TENM3: variants seen among roughly 807,000 people sequenced by gnomAD.
TENM3 encodes the protein teneurin-3.
Under a neutral mutation model 255.1 loss-of-function variants are expected in TENM3, and 63 were observed. The observed-to-expected ratio is 0.25, with a 90% CI of 0.20 to 0.30. The LOEUF (loss-of-function observed/expected upper bound fraction) is 0.30. Ranked by LOEUF, TENM3 falls within the 10% of genes least tolerant of loss-of-function variation. TENM3 has a pLI of 1.00. For missense variants in TENM3, 2,929 were observed against 3,461.1 expected (o/e 0.85, Z 3.86); for synonymous variants, 1,306 against 1,322.3 (o/e 0.99, Z 0.27).
chr4:182,744,093 C>CTTT (rs957977132), intron 19 of TENM3: 18,278 of 438,396 alleles, frequency 0.042, 54 homozygotes, highest in Non-Finnish European at 0.043. Context: ...ACTGTGCTTT[C>CTTT]TTTTTTTTTT....
At chr4:182,774,358 C>G (rs969570649) in intron 23 of TENM3, among the ~76,000 whole-genome samples, 2 of 152,104 alleles carry the variant, frequency 1.3e-5, no homozygotes, top group Admixed American at 6.5e-5. Flanking sequence ...TATATTATTT[C>G]AAAATTTTAA....
chr4:182,408,221 A>G (rs1351430957), intron 3 of TENM3, among the ~76,000 whole-genome samples: 1 of 152,248 alleles, frequency 6.6e-6, no homozygotes, highest in Non-Finnish European at 1.5e-5. Context: ...ATAGACATAA[A>G]TATCAACTTA....
chr4:182,467,749 TATA>T, intron 3 of TENM3, among the ~76,000 whole-genome samples: 1 of 152,150 alleles, frequency 6.6e-6, no homozygotes. Context: ...ATATATGAAC[TATA>T]ATGACATGGA....
the TENM3 span, among the ~76,000 whole-genome samples, chr4:181,626,962 G>A: frequency 6.6e-6 from 1 of 152,214 alleles, no homozygotes; most frequent in Non-Finnish European, 1.5e-5. Context: ...GAATGAGACA[G>A]ATGGCTGAAT....
intron 1 of TENM3, among the ~76,000 whole-genome samples, chr4:182,322,638 C>T (rs1418762129): frequency 2.0e-5 from 3 of 152,114 alleles, no homozygotes; most frequent in Admixed American, 1.3e-4. Context: ...GTTGGAAGCA[C>T]ATTAATGAGC....
At chr4:181,543,174 C>T in the TENM3 span, among the ~76,000 whole-genome samples, 2 of 152,198 alleles carry the variant, frequency 1.3e-5, no homozygotes, top group African/African-American at 2.4e-5. Context: ...CCCACTCTCT[C>T]TTCTCTCTCT....
chr4:182,399,941 CCTT>C lies in TENM3; in HGVS notation c.511+53016_511+53018del, dbSNP rs1428431228. Among the ~76,000 whole-genome samples, 6 of 152,062 alleles carry C rather than the reference CCTT, an allele frequency of 3.9e-5. No homozygotes were observed. The East Asian group carries it at 9.7e-4, about 25-fold the overall frequency. On this transcript the variant is annotated intron_variant, in intron 3 of 27. Coordinates refer to ENST00000511685, the MANE Select transcript of TENM3 (RefSeq NM_001080477.4). ...TGAAATTTATGAATTAACTGGCACTCCTTCTTTGCTATTTTAAAAATTGAAGTT... is the reference window on the plus strand; with the variant it reads ...TGAAATTTATGAATTAACTGGCACTCCTTTGCTATTTTAAAAATTGAAGTT...
the TENM3 span, among the ~76,000 whole-genome samples, chr4:181,516,324 A>G: frequency 6.6e-6 from 1 of 151,716 alleles, no homozygotes; most frequent in African/African-American, 2.4e-5. Context: ...TTATCTATGT[A>G]ACATACCTGC....
the TENM3 span, among the ~76,000 whole-genome samples, chr4:182,080,975 A>G: frequency 1.3e-5 from 2 of 152,038 alleles, no homozygotes; most frequent in African/African-American, 4.8e-5. Flanking sequence ...TGGGTGACAG[A>G]GCAACACCCT....
intron 3 of TENM3, among the ~76,000 whole-genome samples, chr4:182,448,609 AAAGC>A (rs1773138715): frequency 6.6e-6 from 1 of 152,006 alleles, no homozygotes; most frequent in Non-Finnish European, 1.5e-5. Context: ...GGCGGGATCA[AAAGC>A]CGCCGGCGAA....
At chr4:182,116,312 T>G in the TENM3 span, among the ~76,000 whole-genome samples, 3 of 145,826 alleles carry the variant, frequency 2.1e-5, no homozygotes, top group African/African-American at 7.6e-5. Flanking sequence ...CAGACTGGCT[T>G]TTTTCACTCA....
Position 182,270,781 on chromosome 4 carries a change from T to A in TENM3, c.-76+27305T>A, listed in dbSNP as rs139346924. ...GTTAAATTCATCAATGCTTACAGTC[T>A]GGACCCTCTAAAGATGGAGAATCTA... On this transcript the variant is annotated intron_variant, in intron 1 of 27. Transcript: ENST00000511685. 3.9e-5 allele frequency among the ~76,000 whole-genome samples: 6 copies of A among 152,354 alleles called. No homozygotes were observed. In the East Asian group the frequency reaches 1.2e-3, roughly 29 times the overall value.
chr4:182,625,659 AC>A (rs1368893951), intron 4 of TENM3, among the ~76,000 whole-genome samples: 1 of 152,148 alleles, frequency 6.6e-6, no homozygotes, highest in Admixed American at 6.5e-5. Context: ...AAATTCATAC[AC>A]CAGTGTTTGC....
chr4:181,906,275 G>GAA, the TENM3 span: 1 of 169,106 alleles, frequency 5.9e-6, no homozygotes, highest in African/African-American at 2.4e-5. Flanking sequence ...GTCTATAGGG[G>GAA]TTGTGGACAG....
chr4:182,370,262 A>G (rs1766716580), intron 3 of TENM3, among the ~76,000 whole-genome samples: 1 of 152,208 alleles, frequency 6.6e-6, no homozygotes, highest in South Asian at 2.1e-4. Context: ...TGCATCCATC[A>G]AACATAACCC....
chr4:182,644,971 A>G (rs183798231), intron 5 of TENM3, among the ~76,000 whole-genome samples: 3 of 152,170 alleles, frequency 2.0e-5, no homozygotes, highest in Admixed American at 2.0e-4. Flanking sequence ...TATAAAAAGT[A>G]TACTCATTAA....
Position 182,601,001 on chromosome 4 carries a change from C to G in TENM3, c.589C>G (p.His197Asp). ...CCATAAGCAGCACTCTGCACAGCAT[C>G]ATCCATCCATCACTTCTCTCAACAG... is the stretch of plus-strand genomic sequence containing the variant. ...PSHKQHSAQH[H>D]PSITSLNRNS... The change falls in exon 4 of 28, where the codon CAT becomes GAT. Residue 197 changes from histidine to aspartate, a missense_variant. By Grantham distance (81) the His-to-Asp change is moderately conservative. Around this residue, in one of 6 missense-constraint regions of TENM3, gnomAD observed 283 missense variants for 256.9 expected, o/e 1.10. Coordinates refer to ENST00000511685, the MANE Select transcript of TENM3 (RefSeq NM_001080477.4). 2 of 1,594,492 alleles carry G rather than the reference C, an allele frequency of 1.3e-6. No individual in the cohort carries two copies. The highest frequency in any genetic ancestry group is 2.7e-5 in the African/African-American group (2 of 73,002).
chr4:182,617,585 A>G (rs975560796), intron 4 of TENM3, among the ~76,000 whole-genome samples: 1 of 152,190 alleles, frequency 6.6e-6, no homozygotes, highest in Admixed American at 6.5e-5. Context: ...CCTATACCTT[A>G]AAATTTCCTC....
chr4:182,243,946 CTTTTTTTTTTTT>C (rs967487689), intron 1 of TENM3, among the ~76,000 whole-genome samples: 12 of 72,914 alleles, frequency 1.6e-4, no homozygotes, highest in East Asian at 1.6e-3. Flanking sequence ...TTTGTGTTTT[CTTTTTTTTTTTT>C]TTTTTTTTTT....
Sources: gnomAD v4.1 joint callset for allele counts (sites outside exome capture counted in the v4.1 genomes callset) on GRCh38, gnomAD v4.1.1 for gene constraint, gnomAD v4.1.1 regional missense constraint, MANE v1.5 for transcripts, NCBI Gene and HGNC (gene_info 2026-07-23, HGNC 2026-07-21) for gene names.